PCDH8: variants seen among roughly 807,000 people sequenced by gnomAD.
PCDH8 encodes protocadherin 8.
Under a neutral mutation model 58.2 loss-of-function variants are expected in PCDH8, and 36 were observed. That is an observed-to-expected ratio of 0.62 (90% confidence interval 0.47 to 0.82). The LOEUF is 0.82. PCDH8 is among the 40% of genes least tolerant of loss of function. The pLI is 0.00. For synonymous variants in PCDH8, 775 were observed against 728.9 expected, an observed-to-expected ratio of 1.06 and a Z score of -1.02; for missense variants, 1,493 against 1,567.8, an observed-to-expected ratio of 0.95 and a Z score of 0.81.
chr13:52,847,277 G>C lies in PCDH8; in HGVS notation c.1160C>G (p.Pro387Arg). The C allele has an allele frequency of 7.3e-7, 1 of 1,379,308 alleles. No homozygotes were observed. The highest frequency in any genetic ancestry group is 9.3e-7 in the Non-Finnish European group (1 of 1,072,854). The allele number at this position is 1,379,308 out of a possible 1,614,324, so 85.4% of individuals were successfully genotyped here. A position where few individuals can be genotyped will look rare whatever the true frequency, so the allele number is the denominator to read the frequency against. Residue 387 changes from proline (P) to arginine (R), a missense_variant, in exon 1 of 3, where the codon CCG becomes CGG. Around this residue, in one of 3 missense-constraint regions of PCDH8, gnomAD observed 1,307 missense variants for 1,362.7 expected, o/e 0.96. Coordinates refer to ENST00000377942, the MANE Select transcript of PCDH8 (RefSeq NM_002590.4). ...AALGGADASS[P>R]AGAGTPEAGA... ...AGCCTCCGGCGTCCCGGCTCCCGCCGGCGAGCTAGCGTCCGCTCCCCCGAG... is the reference window on the plus strand; with the variant it reads ...AGCCTCCGGCGTCCCGGCTCCCGCCCGCGAGCTAGCGTCCGCTCCCCCGAG...
At position 52,845,023 on chromosome 13, in the gene PCDH8, C is replaced by CA. The variant is rs1324867450; in HGVS notation, c.2840-91dup. Reference sequence around the variant, plus strand: ...CCATCTTCAGCATGTCAGCCTGGGTCAGGGCAGCTGAAAGGAAAGGCTGTG... The same window carrying CA: ...CCATCTTCAGCATGTCAGCCTGGGTCAAGGGCAGCTGAAAGGAAAGGCTGTG... On this transcript the variant is annotated intron_variant, in intron 2 of 2. Transcript: ENST00000377942. The CA allele has an allele frequency of 5.7e-6, 8 of 1,399,224 alleles. No homozygotes were observed. The Admixed American group carries it at 1.7e-4, about 30-fold the overall frequency. The allele number at this position is 1,399,224 out of a possible 1,614,324, so 86.7% of individuals were successfully genotyped here. A position where few individuals can be genotyped will look rare whatever the true frequency, so the allele number is the denominator to read the frequency against.
intron 1 of PCDH8, 47 bp downstream of exon 1, chr13:52,845,759 T>C (rs1965719625): frequency 1.3e-6 from 2 of 1,502,172 alleles, no homozygotes; most frequent in Non-Finnish European, 1.8e-6. Context: ...TCCCCCAGCC[T>C]GTCCGCGGAG....
rs1195035451 is a variant in PCDH8 at position 52,848,213 on chromosome 13, C to T, written c.224G>A (p.Arg75Gln). Residue 75 changes from arginine to glutamine, a missense_variant, in exon 1 of 3, where the codon CGG (arginine) becomes CAG (glutamine). Coordinates refer to ENST00000377942, the MANE Select transcript of PCDH8 (RefSeq NM_002590.4). ...CAGCTGCCCGTCGCCTTCGCGCACC[C>T]GGAGCAGAGAGCTGTTGAATTGCTT... ...LMKQFNSSLLRVREGDGQLTV... is the reference protein window; with the variant it reads ...LMKQFNSSLLQVREGDGQLTV... The T allele has an allele frequency of 1.2e-6, 2 of 1,613,122 alleles. No individual in the cohort carries two copies. Among genetic ancestry groups the T allele is most frequent in the Non-Finnish European group, 1.7e-6 (2 of 1,179,750 alleles).
In PCDH8 at chr13:52,845,640, A is replaced by T; in HGVS notation, c.2632-8T>A. On this transcript the variant is annotated splice_region_variant and splice_polypyrimidine_tract_variant and intron_variant, in intron 1 of 2. Coordinates refer to ENST00000377942, the MANE Select transcript of PCDH8 (RefSeq NM_002590.4). ...CGGGGAGGCACCGTAGGGCTGCAGCAGGGAATAGGGGAATGGGAGTGGGGG... is the reference window on the plus strand; with the variant it reads ...CGGGGAGGCACCGTAGGGCTGCAGCTGGGAATAGGGGAATGGGAGTGGGGG... The T allele has an allele frequency of 1.2e-6, 2 of 1,613,664 alleles. No individual in the cohort carries two copies. The highest frequency in any genetic ancestry group is 1.7e-6 in the Non-Finnish European group (2 of 1,179,928).
chr13:52,845,653 A>G, intron 1 of PCDH8, 21 bp from the exon 2 acceptor site: 1 of 1,612,274 alleles, frequency 6.2e-7, no homozygotes, highest in Non-Finnish European at 8.5e-7. Context: ...GAATAGGGGA[A>G]TGGGAGTGGG....
chr13:52,847,618 G>T lies in PCDH8; in HGVS notation c.819C>A (p.Pro273=). 1 of 1,574,904 alleles carries T rather than the reference G, an allele frequency of 6.3e-7. No individual in the cohort carries two copies. Among genetic ancestry groups the T allele is most frequent in the East Asian group, 2.3e-5 (1 of 43,174 alleles). ...SLLLDLDAAD[P]DEGPNGDVVF... ...CCACGTCGCCGTTAGGTCCCTCGTCGGGGTCGGCTGCGTCCAGGTCGAGAA... is the reference window on the plus strand; with the variant it reads ...CCACGTCGCCGTTAGGTCCCTCGTCTGGGTCGGCTGCGTCCAGGTCGAGAA... Residue 273 remains proline (P), a synonymous_variant, in exon 1 of 3, where the codon CCC becomes CCA. Coordinates refer to ENST00000377942, the MANE Select transcript of PCDH8 (RefSeq NM_002590.4).
In PCDH8 at chr13:52,847,277, G is replaced by A. The variant is rs781376074; in HGVS notation, c.1160C>T (p.Pro387Leu). Residue 387 changes from proline (P) to leucine (L), a missense_variant, in exon 1 of 3, where the codon CCG becomes CTG. This residue lies in a region of PCDH8 where 1,307 missense variants were observed against 1,362.7 expected (regional missense o/e 0.96). Coordinates refer to ENST00000377942, the MANE Select transcript of PCDH8 (RefSeq NM_002590.4). ...AALGGADASSPAGAGTPEAGA... is the reference protein window; with the variant it reads ...AALGGADASSLAGAGTPEAGA... ...AGCCTCCGGCGTCCCGGCTCCCGCC[G>A]GCGAGCTAGCGTCCGCTCCCCCGAG... The A allele has an allele frequency of 7.3e-7, 1 of 1,379,308 alleles. No homozygotes were observed. Among genetic ancestry groups the A allele is most frequent in the Non-Finnish European group, 9.3e-7 (1 of 1,072,854 alleles). 85.4% of individuals were successfully genotyped at this position (1,379,308 alleles called of 1,614,324 possible). A position where few individuals can be genotyped will look rare whatever the true frequency, so the allele number is the denominator to read the frequency against.
In PCDH8 at chr13:52,848,224, G is replaced by A. The variant is rs763832095; in HGVS notation, c.213C>T (p.Ser71=). The A allele has an allele frequency of 8.7e-6, 14 of 1,613,410 alleles. No individual in the cohort carries two copies. In the East Asian group the frequency reaches 2.2e-4, roughly 26 times the overall value. The change falls in exon 1 of 3, where the codon AGC becomes AGT. Residue 71 remains serine (S), a synonymous_variant. Coordinates refer to ENST00000377942, the MANE Select transcript of PCDH8 (RefSeq NM_002590.4). ...TSFRLMKQFN[S]SLLRVREGDG... ...CGCCTTCGCGCACCCGGAGCAGAGA[G>A]CTGTTGAATTGCTTCATCAGGCGGA...
chr13:52,846,291 G>A lies in PCDH8; in HGVS notation c.2146C>T (p.Arg716Cys). The A allele has an allele frequency of 6.4e-7, 1 of 1,573,538 alleles. No homozygotes were observed. The highest frequency in any genetic ancestry group is 8.6e-7 in the Non-Finnish European group (1 of 1,165,462). ...GCACTGGCAGGCGCAGCCGGCCCAC[G>A]CCCGCCCCCTGCTGTTACCACGAAG... ...VSFVVTAGGG[R>C]GPAAPASAGS... Residue 716 changes from arginine to cysteine, a missense_variant, in exon 1 of 3, where the codon CGT (arginine) becomes TGT (cysteine). Around this residue, in one of 3 missense-constraint regions of PCDH8, gnomAD observed 1,307 missense variants for 1,362.7 expected, o/e 0.96. Transcript: ENST00000377942.
chr13:52,848,004 A>G lies in PCDH8; in HGVS notation c.433T>C (p.Ser145Pro), dbSNP rs145753675. The G allele has an allele frequency of 1.2e-6, 2 of 1,610,418 alleles. No individual in the cohort carries two copies. Among genetic ancestry groups the G allele is most frequent in the Non-Finnish European group, 1.7e-6 (2 of 1,177,960 alleles). ...FPRAQIPVEVSEGAAVGTRIP... is the reference protein window; with the variant it reads ...FPRAQIPVEVPEGAAVGTRIP... ...CGCGTGCCCACTGCCGCACCCTCGG[A>G]CACCTCTACCGGGATCTGGGCCCTG... Residue 145 changes from serine to proline, a missense_variant, in exon 1 of 3, where the codon TCC (serine) becomes CCC (proline). Coordinates refer to ENST00000377942, the MANE Select transcript of PCDH8 (RefSeq NM_002590.4).
chr13:52,846,349 G>A lies in PCDH8; in HGVS notation c.2088C>T (p.Gly696=), dbSNP rs1965735808. 2 of 1,565,060 alleles carry A rather than the reference G, an allele frequency of 1.3e-6. No individual in the cohort carries two copies. Among genetic ancestry groups the A allele is most frequent in the South Asian group, 1.2e-5 (1 of 85,378 alleles). Residue 696 remains glycine, a synonymous_variant, in exon 1 of 3, where the codon GGC becomes GGT. Coordinates refer to ENST00000377942, the MANE Select transcript of PCDH8 (RefSeq NM_002590.4). ...TTGCGGTGGTGGTGAGCGGGGGACGGCCGCCGTCGGATATGACCAGGAGCG... is the reference window on the plus strand; with the variant it reads ...TTGCGGTGGTGGTGAGCGGGGGACGACCGCCGTCGGATATGACCAGGAGCG... ...FRALLVISDG[G]RPPLTTTATV...
chr13:52,846,553 T>C lies in PCDH8; in HGVS notation c.1884A>G (p.Ala628=). 6.2e-7 allele frequency: 1 copy of C among 1,602,274 alleles called. No individual in the cohort carries two copies. Among genetic ancestry groups the C allele is most frequent in the Non-Finnish European group, 8.5e-7 (1 of 1,178,896 alleles). ...GCACACGGGCCACAACCGTGTCCTT[T>C]GCGGTGCGCCCAGGCACCGCCACTT... ...SLEVAVPGRT[A]KDTVVARVQA... Residue 628 remains alanine (A), a synonymous_variant, in exon 1 of 3, where the codon GCA becomes GCG. Coordinates refer to ENST00000377942, the MANE Select transcript of PCDH8 (RefSeq NM_002590.4).
rs990586075 is a variant in PCDH8 at position 52,845,313 on chromosome 13, A to G, written c.2839+112T>C. On this transcript the variant is annotated intron_variant, in intron 2 of 2. Transcript: ENST00000377942. ...CGTATCCGCAGCTGTAGGAGTGAGA[A>G]AAAGTGGGGAAGAGGGAAGGGGGCT... 7.9e-5 allele frequency: 81 copies of G among 1,020,150 alleles called. 1 individual carries two copies. In the South Asian group the frequency reaches 1.1e-3, roughly 14 times the overall value. 63.2% of individuals were successfully genotyped at this position (1,020,150 alleles called of 1,614,324 possible).
Position 52,845,791 on chromosome 13 carries a change from G to A in PCDH8, c.2631+15C>T, listed in dbSNP as rs1251028242. ...GGAGCTCGGAGGGGGGCGCCCAGCCGAAGGAAGGCCTCACCTCGGCGTGCG... is the reference window on the plus strand; with the variant it reads ...GGAGCTCGGAGGGGGGCGCCCAGCCAAAGGAAGGCCTCACCTCGGCGTGCG... On this transcript the variant is annotated intron_variant, in intron 1 of 2. Transcript: ENST00000377942. 6.7e-7 allele frequency: 1 copy of A among 1,497,934 alleles called. No individual in the cohort carries two copies. Among genetic ancestry groups the A allele is most frequent in the African/African-American group, 1.4e-5 (1 of 71,810 alleles). 92.8% of individuals were successfully genotyped at this position (1,497,934 alleles called of 1,614,324 possible). A position where few individuals can be genotyped will look rare whatever the true frequency, so the allele number is the denominator to read the frequency against.
chr13:52,846,328 G>C lies in PCDH8; in HGVS notation c.2109C>G (p.Thr703=), dbSNP rs749685234. 1 of 1,568,316 alleles carries C rather than the reference G, an allele frequency of 6.4e-7. No homozygotes were observed. Among genetic ancestry groups the C allele is most frequent in the Non-Finnish European group, 8.6e-7 (1 of 1,158,478 alleles). ...CTGTTACCACGAAGCTGACAGTTGCGGTGGTGGTGAGCGGGGGACGGCCGC... is the reference window on the plus strand; with the variant it reads ...CTGTTACCACGAAGCTGACAGTTGCCGTGGTGGTGAGCGGGGGACGGCCGC... ...SDGGRPPLTT[T]ATVSFVVTAG... is the part of the protein sequence containing the mutation. The change falls in exon 1 of 3, where the codon ACC becomes ACG. Residue 703 remains threonine (T), a synonymous_variant. Transcript: ENST00000377942.
At position 52,847,694 on chromosome 13, in the gene PCDH8, C is replaced by G. The variant is rs1965764855; in HGVS notation, c.743G>C (p.Gly248Ala). The part of the protein sequence containing the change: ...ANDHSPAFPQ[G>A]AVAEVELAED... ...CGCCAGCTCCACTTCGGCCACGGCGCCCTGCGGGAAGGCCGGGCTGTGGTC... is the reference window on the plus strand; with the variant it reads ...CGCCAGCTCCACTTCGGCCACGGCGGCCTGCGGGAAGGCCGGGCTGTGGTC... The change falls in exon 1 of 3, where the codon GGC (glycine) becomes GCC (alanine). Residue 248 changes from glycine to alanine, a missense_variant. Coordinates refer to ENST00000377942, the MANE Select transcript of PCDH8 (RefSeq NM_002590.4). The G allele has an allele frequency of 1.3e-6, 2 of 1,551,256 alleles. No individual in the cohort carries two copies. The highest frequency in any genetic ancestry group is 1.7e-6 in the Non-Finnish European group (2 of 1,158,004).
rs765990562 is a variant in PCDH8 at position 52,848,246 on chromosome 13, C to A, written c.191G>T (p.Arg64Leu). 6.2e-7 allele frequency: 1 copy of A among 1,613,636 alleles called. No individual in the cohort carries two copies. Among genetic ancestry groups the A allele is most frequent in the East Asian group, 2.2e-5 (1 of 44,882 alleles). ...AGAGCTGTTGAATTGCTTCATCAGG[C>A]GGAAGCTTGTGTCACCCGATACTTT... ...HMKVSGDTSF[R>L]LMKQFNSSLL... Residue 64 changes from arginine (R) to leucine (L), a missense_variant, in exon 1 of 3, where the codon CGC becomes CTC. Transcript: ENST00000377942.
At position 52,843,544 on chromosome 13, in the gene PCDH8, G is replaced by T. The variant is rs1276264844; in HGVS notation, c.*1016C>A. 1.3e-5 allele frequency: 2 copies of T among 152,176 alleles called. No homozygotes were observed. Among genetic ancestry groups the T allele is most frequent in the East Asian group, 3.9e-4 (2 of 5,190 alleles). The allele number at this position is 152,176 out of a possible 1,614,324, so 9.4% of individuals were successfully genotyped here. On this transcript the variant is annotated 3_prime_UTR_variant, in exon 3 of 3. Coordinates refer to ENST00000377942, the MANE Select transcript of PCDH8 (RefSeq NM_002590.4). ...AAAAGACTAAGATGTTAGTCTTTTT[G>T]ATACTAACACCCCGAATAAGCTGAG...
At chr13:52,845,255 T>C (rs1965710516) in intron 2 of PCDH8, among the ~76,000 whole-genome samples, 170 bp downstream of exon 2, 1 of 152,096 alleles carries the variant, frequency 6.6e-6, no homozygotes, top group African/African-American at 2.4e-5. Context: ...TGCCTCGACT[T>C]GGCATTTTGA....
Sources: allele counts gnomAD v4.1 joint callset (sites outside exome capture counted in the v4.1 genomes callset), GRCh38; gene constraint gnomAD v4.1.1; regional missense constraint gnomAD v4.1.1; transcripts MANE v1.5; gene names NCBI Gene and HGNC (gene_info 2026-07-23, HGNC 2026-07-21).